IGF1R: variants seen among roughly 807,000 people sequenced by gnomAD.
IGF1R encodes the protein insulin-like growth factor 1 receptor.
IGF1R carries 44 observed loss-of-function variants against 144.6 expected under a neutral mutation model. The observed-to-expected ratio is 0.30, with a 90% CI of 0.24 to 0.39. The LOEUF is 0.39. IGF1R is among the 10% of genes least tolerant of loss of function. The pLI, the probability that IGF1R is intolerant of heterozygous loss-of-function variation, is 1.00. For missense variants in IGF1R, 1,355 were observed against 1,833.7 expected (o/e 0.74, Z 4.77); for synonymous variants, 795 against 722.8 (o/e 1.10, Z -1.60).
chr15:98,652,499 T>G (rs2052392911), intron 1 of IGF1R, among the ~76,000 whole-genome samples: 1 of 152,098 alleles, frequency 6.6e-6, no homozygotes, highest in South Asian at 2.1e-4. Flanking sequence ...AAGCAAATGG[T>G]GTTTTGTGGA....
intron 6 of IGF1R, among the ~76,000 whole-genome samples, chr15:98,911,021 G>A (rs998755048): frequency 2.0e-5 from 3 of 152,146 alleles, no homozygotes; most frequent in Admixed American, 1.3e-4. Flanking sequence ...AGTTCACCTC[G>A]TTCACTGAAG....
At chr15:98,852,757 A>C (rs956825924) in intron 2 of IGF1R, among the ~76,000 whole-genome samples, 12 of 152,030 alleles carry the variant, frequency 7.9e-5, no homozygotes, top group Non-Finnish European at 1.6e-4. Context: ...GTTTCCCTCC[A>C]TGTCTGTTTT....
chr15:98,874,926 G>A (rs932719985), intron 2 of IGF1R, among the ~76,000 whole-genome samples: 1 of 152,178 alleles, frequency 6.6e-6, no homozygotes, highest in Non-Finnish European at 1.5e-5. Flanking sequence ...AGCCTGGCTC[G>A]TGCTGCAGTG....
intron 17 of IGF1R, among the ~76,000 whole-genome samples, chr15:98,937,518 CTT>C (rs1197789669): frequency 6.6e-6 from 1 of 152,182 alleles, no homozygotes; most frequent in East Asian, 1.9e-4. Context: ...CAGATTTAAA[CTT>C]TTTCTTTCTA....
Position 98,957,168 on chromosome 15 carries a change from TCTC to T in IGF1R, c.3833_3835del (p.Ser1278del). Reference sequence around the variant, plus strand: ...GAGATGGAGCCTGGCTTCCGGGAGGTCTCCTTCTACTACAGCGAGGAGAACAAG... The same window carrying T: ...GAGATGGAGCCTGGCTTCCGGGAGGTCTTCTACTACAGCGAGGAGAACAAG... On this transcript the variant is annotated inframe_deletion, in exon 21 of 21. Coordinates refer to ENST00000650285, the MANE Select transcript of IGF1R (RefSeq NM_000875.5). 1 of 1,613,688 alleles carries T rather than the reference TCTC, an allele frequency of 6.2e-7. No homozygotes were observed. The highest frequency in any genetic ancestry group is 1.1e-5 in the South Asian group (1 of 91,054).
chr15:98,730,274 T>C (rs546694636), intron 2 of IGF1R, among the ~76,000 whole-genome samples: 2 of 152,174 alleles, frequency 1.3e-5, no homozygotes, highest in South Asian at 2.1e-4. Context: ...AACATAGATA[T>C]ACACCATGAT....
chr15:98,718,355 G>C (rs2054171329), intron 2 of IGF1R, among the ~76,000 whole-genome samples: 1 of 152,206 alleles, frequency 6.6e-6, no homozygotes, highest in Non-Finnish European at 1.5e-5. Flanking sequence ...GCCTTGTTTA[G>C]AGAAGCTGCA....
intron 11 of IGF1R, among the ~76,000 whole-genome samples, chr15:98,923,029 G>T (rs1300322408): frequency 6.6e-6 from 1 of 152,190 alleles, no homozygotes; most frequent in Non-Finnish European, 1.5e-5. Flanking sequence ...ACCAGAGTCT[G>T]GGGTGTGGGG....
At chr15:98,731,980 A>G (rs1370449027) in intron 2 of IGF1R, among the ~76,000 whole-genome samples, 1 of 152,108 alleles carries the variant, frequency 6.6e-6, no homozygotes, top group African/African-American at 2.4e-5. Flanking sequence ...CTTCACCCCC[A>G]AGCTCTGGGT....
intron 2 of IGF1R, among the ~76,000 whole-genome samples, chr15:98,822,066 T>G (rs2056813657): frequency 6.6e-6 from 1 of 152,200 alleles, no homozygotes; most frequent in South Asian, 2.1e-4. Flanking sequence ...GCAAGGCAAG[T>G]CAATGAGATT....
At position 98,825,075 on chromosome 15, in the gene IGF1R, G is replaced by C. The variant is rs539267312; in HGVS notation, c.641-66250G>C. Among the ~76,000 whole-genome samples, 19 of 152,246 alleles carry C rather than the reference G, an allele frequency of 1.2e-4. 1 individual carries two copies. In the South Asian group the frequency reaches 3.9e-3, roughly 32 times the overall value. On this transcript the variant is annotated intron_variant, in intron 2 of 20. Coordinates refer to ENST00000650285, the MANE Select transcript of IGF1R (RefSeq NM_000875.5). ...GGTCAGGTCGAACTCCTGACCTCAA[G>C]TGATCCACCTGCCTTGACCTCCCAA...
At chr15:98,890,140 C>T (rs945893413) in intron 2 of IGF1R, among the ~76,000 whole-genome samples, 4 of 152,152 alleles carry the variant, frequency 2.6e-5, no homozygotes, top group Admixed American at 1.3e-4. Context: ...TCTGTGGGCT[C>T]GGAGATGCTA....
Position 98,850,715 on chromosome 15 carries a change from C to A in IGF1R, c.641-40610C>A, listed in dbSNP as rs952833204. Among the ~76,000 whole-genome samples, 3 of 151,868 alleles carry A rather than the reference C, an allele frequency of 2.0e-5. No individual in the cohort carries two copies. The South Asian group carries it at 6.2e-4, about 32-fold the overall frequency. ...GTAACTGCATGTGTACAGGGAATCA[C>A]TGAGTGATGGACAAGGGCTTGGCAC... On this transcript the variant is annotated intron_variant, in intron 2 of 20. Coordinates refer to ENST00000650285, the MANE Select transcript of IGF1R (RefSeq NM_000875.5).
At chr15:98,796,851 T>C (rs142396880) in intron 2 of IGF1R, among the ~76,000 whole-genome samples, 24 of 152,360 alleles carry the variant, frequency 1.6e-4, no homozygotes, top group Admixed American at 3.9e-4. Context: ...AAAGCAGGGC[T>C]CAGGAAATGT....
chr15:98,722,944 T>C (rs1161627782), intron 2 of IGF1R, among the ~76,000 whole-genome samples: 1 of 151,970 alleles, frequency 6.6e-6, no homozygotes, highest in African/African-American at 2.4e-5. Context: ...ATTCTTCCTC[T>C]TGAAGGACTT....
chr15:98,960,998 G>A lies in IGF1R; in HGVS notation c.*3556G>A, dbSNP rs1363999074. ...CCTCTTCCAGCAGCTGCTCTTACAG[G>A]CACTGATGATTTCGCTGGGAAGTGT... On this transcript the variant is annotated 3_prime_UTR_variant, in exon 21 of 21. Transcript: ENST00000650285. 1 of 233,726 alleles carries A rather than the reference G, an allele frequency of 4.3e-6. No individual in the cohort carries two copies. Among genetic ancestry groups the A allele is most frequent in the African/African-American group, 2.2e-5 (1 of 45,352 alleles). 14.5% of individuals were successfully genotyped at this position (233,726 alleles called of 1,614,324 possible).
intron 1 of IGF1R, among the ~76,000 whole-genome samples, chr15:98,696,902 C>T (rs918452522): frequency 5.3e-5 from 8 of 152,082 alleles, no homozygotes; most frequent in Non-Finnish European, 8.8e-5. Flanking sequence ...TCCTAAATGC[C>T]GAGGGTACCT....
intron 1 of IGF1R, among the ~76,000 whole-genome samples, chr15:98,663,536 G>C (rs918397192): frequency 6.6e-6 from 1 of 152,232 alleles, no homozygotes; most frequent in East Asian, 1.9e-4. Context: ...GGAGTAATAC[G>C]CCCTCCTATT....
At chr15:98,813,223 A>G (rs1376277284) in intron 2 of IGF1R, among the ~76,000 whole-genome samples, 1 of 152,154 alleles carries the variant, frequency 6.6e-6, no homozygotes, top group Non-Finnish European at 1.5e-5. Context: ...TAGGTAGTGA[A>G]TGAGTACAAT....
Sources: gnomAD v4.1 joint callset for allele counts (sites outside exome capture counted in the v4.1 genomes callset) on GRCh38, gnomAD v4.1.1 for gene constraint, MANE v1.5 for transcripts, NCBI Gene and HGNC (gene_info 2026-07-23, HGNC 2026-07-21) for gene names.